RNF130: variants seen among roughly 807,000 people sequenced by gnomAD.
The protein encoded by RNF130 is ring finger protein 130, also known as E3 ubiquitin-protein ligase RNF130.
RNF130 carries 21 observed loss-of-function variants against 44.6 expected under a neutral mutation model. The observed-to-expected ratio is 0.47, with a 90% CI of 0.33 to 0.68. The LOEUF (loss-of-function observed/expected upper bound fraction) is 0.68. RNF130 is among the 30% of genes least tolerant of loss of function. RNF130 has a pLI of 0.02. For synonymous variants in RNF130, 214 were observed against 210.4 expected, an observed-to-expected ratio of 1.02 and a Z score of -0.15; for missense variants, 479 against 560.6, an observed-to-expected ratio of 0.85 and a Z score of 1.47.
chr5:179,933,398 T>TTGTTTGTTTGTGTGTGTGTG (rs1554100040), intron 7 of RNF130, among the ~76,000 whole-genome samples: 2 of 143,400 alleles, frequency 1.4e-5, no homozygotes, highest in African/African-American at 5.2e-5. Flanking sequence ...ATAACCCTAT[T>TTGTTTGTTTGTGTGTGTGTG]TGTGTGTGTG....
intron 7 of RNF130, among the ~76,000 whole-genome samples, chr5:179,923,913 C>T (rs1039983925): frequency 1.3e-5 from 2 of 152,262 alleles, no homozygotes; most frequent in South Asian, 4.1e-4. Context: ...TTGATGGGCA[C>T]GGAGGTTTGC....
chr5:179,956,731 G>A (rs1173076981), intron 8 of RNF130, among the ~76,000 whole-genome samples: 4 of 152,170 alleles, frequency 2.6e-5, no homozygotes, highest in Non-Finnish European at 4.4e-5. Flanking sequence ...CGGCAGCTCC[G>A]CAGGCATGAC....
chr5:180,059,246 G>A (rs758225158), intron 1 of RNF130, among the ~76,000 whole-genome samples: 10 of 152,046 alleles, frequency 6.6e-5, no homozygotes, highest in Non-Finnish European at 1.3e-4. Flanking sequence ...TGCTCATGCT[G>A]CCGTCTCAGC....
chr5:180,019,374 A>T (rs1362350727), intron 2 of RNF130, among the ~76,000 whole-genome samples: 2 of 144,046 alleles, frequency 1.4e-5, no homozygotes, highest in African/African-American at 5.5e-5. Flanking sequence ...ACAGAGCGAG[A>T]CTCTGTCTCA....
rs139264365 is a variant in RNF130, at chr5:180,028,773, G to A, written c.442+11680C>T. Among the ~76,000 whole-genome samples, 73 of 152,256 alleles carry A rather than the reference G, an allele frequency of 4.8e-4. 2 individuals carry two copies. The East Asian group carries it at 0.013, about 27-fold the overall frequency. ...TAGCAGGTATAAATCGATACCTGTTGATTAACTATTTTTTTGTACTAGATA... is the reference window on the plus strand; with the variant it reads ...TAGCAGGTATAAATCGATACCTGTTAATTAACTATTTTTTTGTACTAGATA... On this transcript the variant is annotated intron_variant, in intron 2 of 8. Transcript: ENST00000521389.
At chr5:179,947,226 T>C (rs1762054986) in intron 7 of RNF130, among the ~76,000 whole-genome samples, 1 of 152,198 alleles carries the variant, frequency 6.6e-6, no homozygotes, top group South Asian at 2.1e-4. Flanking sequence ...AACCCCACTA[T>C]TTTATTATTT....
At chr5:179,925,490 G>A (rs1256019101) in intron 7 of RNF130, among the ~76,000 whole-genome samples, 1 of 152,044 alleles carries the variant, frequency 6.6e-6, no homozygotes, top group African/African-American at 2.4e-5. Flanking sequence ...AAGCATGGCT[G>A]GGTTTCTTCT....
intron 2 of RNF130, among the ~76,000 whole-genome samples, chr5:180,034,211 A>G (rs1214626332): frequency 1.3e-5 from 2 of 152,040 alleles, no homozygotes; most frequent in Non-Finnish European, 2.9e-5. Context: ...TGTAAAAAAA[A>G]AAACCATATA....
intron 1 of RNF130, among the ~76,000 whole-genome samples, chr5:180,055,302 C>CA: frequency 1.2e-5 from 1 of 84,878 alleles, no homozygotes; most frequent in African/African-American, 4.6e-5. Context: ...AGCAAACAAA[C>CA]AAAAAATGCA....
At chr5:179,995,722 T>C (rs1410791656) in intron 3 of RNF130, among the ~76,000 whole-genome samples, 2 of 152,224 alleles carry the variant, frequency 1.3e-5, no homozygotes, top group East Asian at 3.9e-4. Context: ...AGTGGGAAGA[T>C]GGACTGCAGA....
intron 2 of RNF130, among the ~76,000 whole-genome samples, chr5:180,030,128 G>A (rs1457852310): frequency 3.3e-5 from 5 of 152,208 alleles, no homozygotes; most frequent in Non-Finnish European, 2.9e-5. Context: ...GATTACAGGC[G>A]TGATCCACAC....
At chr5:180,016,167 T>C (rs1763724692) in intron 2 of RNF130, among the ~76,000 whole-genome samples, 1 of 150,904 alleles carries the variant, frequency 6.6e-6, no homozygotes, top group Admixed American at 6.6e-5. Context: ...AGGACTGGAG[T>C]TTTAGGTCTT....
At chr5:179,975,738 C>A (rs1762703495) in intron 5 of RNF130, among the ~76,000 whole-genome samples, 1 of 152,138 alleles carries the variant, frequency 6.6e-6, no homozygotes, top group Non-Finnish European at 1.5e-5. Flanking sequence ...TACTGAAAGA[C>A]AACCAAGTAA....
intron 1 of RNF130, among the ~76,000 whole-genome samples, chr5:180,047,613 G>A (rs1160292090): frequency 6.6e-6 from 1 of 152,110 alleles, no homozygotes. Flanking sequence ...GGCGTGGTGT[G>A]TAGGCCTGTA....
intron 2 of RNF130, among the ~76,000 whole-genome samples, chr5:180,022,955 C>G (rs1444779213): frequency 6.6e-6 from 1 of 152,188 alleles, no homozygotes; most frequent in Non-Finnish European, 1.5e-5. Context: ...AAGTGGGCTA[C>G]AGAAGCTTTC....
chr5:179,931,229 T>A (rs78617726), intron 7 of RNF130, among the ~76,000 whole-genome samples: 1 of 152,094 alleles, frequency 6.6e-6, no homozygotes, highest in African/African-American at 2.4e-5. Flanking sequence ...GTAACACTGA[T>A]GGCGATACAG....
chr5:180,070,076 C>T (rs535241707), intron 1 of RNF130, among the ~76,000 whole-genome samples: 2 of 152,330 alleles, frequency 1.3e-5, no homozygotes, highest in African/African-American at 4.8e-5. Context: ...GCTTGCCTCC[C>T]CTTCCTCTTT....
intron 1 of RNF130, among the ~76,000 whole-genome samples, chr5:180,063,039 G>A (rs148973604): frequency 1.3e-5 from 2 of 152,304 alleles, no homozygotes; most frequent in Non-Finnish European, 2.9e-5. Context: ...GGGTGGGGAG[G>A]AGGAAGGGGC....
chr5:179,974,777 A>G (rs1188665910), intron 5 of RNF130, among the ~76,000 whole-genome samples: 1 of 152,234 alleles, frequency 6.6e-6, no homozygotes, highest in Non-Finnish European at 1.5e-5. Context: ...GAGACAGAAC[A>G]CTGGAAGGAG....
Sources: gnomAD v4.1 joint callset for allele counts (sites outside exome capture counted in the v4.1 genomes callset) on GRCh38, gnomAD v4.1.1 for gene constraint, MANE v1.5 for transcripts, NCBI Gene and HGNC (gene_info 2026-07-23, HGNC 2026-07-21) for gene names.